SMARCA2: variants seen among roughly 807,000 people sequenced by gnomAD.
SMARCA2 encodes the protein SWI/SNF related BAF chromatin remodeling complex subunit ATPase 2, also known as SWI/SNF-related matrix-associated actin-dependent regulator of chromatin subfamily A member 2.
A neutral mutation model predicts 199.8 loss-of-function variants in SMARCA2; 61 were observed. That is an observed-to-expected ratio of 0.31 (90% CI 0.25 to 0.38). The LOEUF (loss-of-function observed/expected upper bound fraction) is 0.38. SMARCA2 is among the 10% of genes least tolerant of loss of function. The pLI is 1.00. For synonymous variants in SMARCA2, 935 were observed against 732.0 expected (o/e 1.28, Z -4.48); for missense variants, 1,344 against 2,012.2 (o/e 0.67, Z 6.35).
chr9:2,083,209 A>C (rs1821644718), intron 15 of SMARCA2, 138 bp from the exon 16 acceptor site: 2 of 484,388 alleles, frequency 4.1e-6, no homozygotes, highest in Non-Finnish European at 3.6e-6. Context: ...ACACCTTTAA[A>C]ATAAATATCT....
intron 5 of SMARCA2, among the ~76,000 whole-genome samples, chr9:2,053,510 C>A (rs778741028): frequency 2.0e-5 from 3 of 152,076 alleles, no homozygotes; most frequent in Non-Finnish European, 4.4e-5. Flanking sequence ...TTCAGTTTTC[C>A]TCATCAGCAA....
In SMARCA2 at chr9:2,056,532, A is replaced by C. The variant is rs1820361902; in HGVS notation, c.1174-140A>C. The C allele has an allele frequency of 6.0e-6, 4 of 665,852 alleles. No homozygotes were observed. The South Asian group carries it at 7.2e-5, about 12-fold the overall frequency. 41.2% of individuals were successfully genotyped at this position (665,852 alleles called of 1,614,324 possible). A position where few individuals can be genotyped will look rare whatever the true frequency, so the allele number is the denominator to read the frequency against. On this transcript the variant is annotated intron_variant, in intron 6 of 33. Transcript: ENST00000349721. This position sits in a 1 kb window ranked among gnomAD's most constrained non-coding sequence, Gnocchi z 4.0. ...TGGCATGATTTTAGTTCCTTCATTTAATACAAACCAAAGGTGATTGAGAAG... is the reference window on the plus strand; with the variant it reads ...TGGCATGATTTTAGTTCCTTCATTTCATACAAACCAAAGGTGATTGAGAAG...
chr9:2,193,401 A>C lies in SMARCA2; in HGVS notation c.*662A>C, dbSNP rs1358673582. ...AAAGTTTTGTTGAAAGCGCTATTGAATATTGCAATCTATATAGTGTATTGG... is the reference window on the plus strand; with the variant it reads ...AAAGTTTTGTTGAAAGCGCTATTGACTATTGCAATCTATATAGTGTATTGG... On this transcript the variant is annotated 3_prime_UTR_variant, in exon 34 of 34. Coordinates refer to ENST00000349721, the MANE Select transcript of SMARCA2 (RefSeq NM_003070.5). The C allele has an allele frequency of 6.5e-6, 1 of 152,674 alleles. No individual in the cohort carries two copies. The highest frequency in any genetic ancestry group is 1.5e-5 in the Non-Finnish European group (1 of 68,080). 9.5% of individuals were successfully genotyped at this position (152,674 alleles called of 1,614,324 possible).
intron 26 of SMARCA2, among the ~76,000 whole-genome samples, chr9:2,122,384 C>G (rs1823502125): frequency 6.6e-6 from 1 of 152,186 alleles, no homozygotes; most frequent in Non-Finnish European, 1.5e-5. Flanking sequence ...CACGAAGCCC[C>G]TCTTTAGAAC....
At chr9:2,078,593 G>A (rs1821426863) in intron 14 of SMARCA2, among the ~76,000 whole-genome samples, 1 of 152,134 alleles carries the variant, frequency 6.6e-6, no homozygotes, top group South Asian at 2.1e-4. Context: ...CTACCACTTA[G>A]TGACGTTTCC....
chr9:2,040,797 C>A (rs948571265), intron 4 of SMARCA2: 4 of 152,268 alleles, frequency 2.6e-5, no homozygotes, highest in Non-Finnish European at 4.4e-5. Context: ...TGATACAATC[C>A]TTTGCATGGC....
At position 2,022,663 on chromosome 9, in the gene SMARCA2, T is replaced by G. The variant is rs115694014; in HGVS notation, c.-36-6324T>G. 8.2e-3 allele frequency among the ~76,000 whole-genome samples: 1,252 copies of G among 152,364 alleles called. 32 individuals are homozygous for G. The highest frequency in any genetic ancestry group is 0.029 in the African/African-American group (1,202 of 41,586). On this transcript the variant is annotated intron_variant, in intron 1 of 33. Coordinates refer to ENST00000349721, the MANE Select transcript of SMARCA2 (RefSeq NM_003070.5). ...AAGTATGTATTTCAGACTCTTCTTT[T>G]TATATGTTTAAAGTATAAATAAACT...
intron 31 of SMARCA2, among the ~76,000 whole-genome samples, chr9:2,185,423 C>G (rs1269527468): frequency 6.6e-6 from 1 of 152,112 alleles, no homozygotes; most frequent in Non-Finnish European, 1.5e-5. Context: ...GTCGATGGAC[C>G]CTTGGGTTGC....
chr9:2,069,242 T>A (rs1820982073), intron 9 of SMARCA2, among the ~76,000 whole-genome samples: 1 of 151,162 alleles, frequency 6.6e-6, no homozygotes, highest in East Asian at 2.0e-4. Context: ...AACTTTTCAT[T>A]TAGGTTGTTT....
intron 9 of SMARCA2, among the ~76,000 whole-genome samples, chr9:2,067,273 C>T (rs999449408): frequency 1.3e-5 from 2 of 152,210 alleles, no homozygotes; most frequent in African/African-American, 4.8e-5. Flanking sequence ...AAGTGGAAAG[C>T]ATTGTTCTTT....
At chr9:2,077,533 C>A in intron 13 of SMARCA2, 96 bp from the exon 14 acceptor site, 1 of 1,165,118 alleles carries the variant, frequency 8.6e-7, no homozygotes, top group Non-Finnish European at 1.3e-6. Flanking sequence ...ACACTTATTG[C>A]AGCTATTTTA....
At chr9:2,079,655 T>C (rs1821480623) in intron 14 of SMARCA2, among the ~76,000 whole-genome samples, 1 of 152,252 alleles carries the variant, frequency 6.6e-6, no homozygotes, top group African/African-American at 2.4e-5. Flanking sequence ...GGACCACTGC[T>C]CTGGCCTTAG....
rs747246901 is a variant in SMARCA2 at position 2,096,899 on chromosome 9, T to G, written c.2991+135T>G. On this transcript the variant is annotated intron_variant, in intron 20 of 33. Coordinates refer to ENST00000349721, the MANE Select transcript of SMARCA2 (RefSeq NM_003070.5). ...AATCACTGGACCTCCTTTGAGCTAT[T>G]ATAGCTGCCAAAGATAATCTCTTCA... 4.5e-4 allele frequency: 293 copies of G among 655,738 alleles called. 1 individual carries two copies. The highest frequency in any genetic ancestry group is 1.4e-4 in the Admixed American group (6 of 42,328). 40.6% of individuals were successfully genotyped at this position (655,738 alleles called of 1,614,324 possible).
chr9:2,137,246 A>T (rs1563794058), intron 27 of SMARCA2, among the ~76,000 whole-genome samples: 1 of 152,232 alleles, frequency 6.6e-6, no homozygotes, highest in Non-Finnish European at 1.5e-5. Context: ...CCTTGTTCAC[A>T]ACAGTTCAGG....
rs1271612432 is a variant in SMARCA2 at position 2,115,803 on chromosome 9, A to G, written c.3457-19A>G. On this transcript the variant is annotated intron_variant, in intron 24 of 33. Transcript: ENST00000349721. The surrounding 1 kb of genome is among the most constrained non-coding windows in gnomAD (Gnocchi z 6.0). ...TGCCAGGCATCTCAGTCCTCATAGC[A>G]TATTGACCCCCCAAACAGGATCTGC... The G allele has an allele frequency of 1.9e-6, 3 of 1,609,404 alleles. No homozygotes were observed. The highest frequency in any genetic ancestry group is 1.7e-6 in the Non-Finnish European group (2 of 1,176,486).
chr9:2,167,092 CA>C (rs1176108233), intron 28 of SMARCA2, among the ~76,000 whole-genome samples: 1 of 152,182 alleles, frequency 6.6e-6, no homozygotes, highest in African/African-American at 2.4e-5. Flanking sequence ...GAAATTGGGA[CA>C]TTTGCTTATC....
intron 19 of SMARCA2, among the ~76,000 whole-genome samples, chr9:2,089,451 T>G (rs756841289): frequency 2.6e-5 from 4 of 152,146 alleles, no homozygotes; most frequent in African/African-American, 4.8e-5. Context: ...TGATTGTGGT[T>G]TTTCTGGGTA....
Position 2,077,777 on chromosome 9 carries a change from G to A in SMARCA2, c.2184+1G>A. The A allele has an allele frequency of 6.2e-7, 1 of 1,605,574 alleles. No individual in the cohort carries two copies. Among genetic ancestry groups the A allele is most frequent in the Non-Finnish European group, 8.5e-7 (1 of 1,175,698 alleles). ...TAATGGGACCCTAAAGCATTACCAG[G>A]TAATTGGCATGGTTTCAGTTTCCTT... On this transcript the variant is annotated splice_donor_variant, in intron 14 of 33. Transcript: ENST00000349721. LOFTEE classifies it high-confidence loss of function.
chr9:2,116,952 G>C (rs1001604677), intron 25 of SMARCA2, among the ~76,000 whole-genome samples: 5 of 152,084 alleles, frequency 3.3e-5, no homozygotes, highest in Non-Finnish European at 5.9e-5. Context: ...CCTTAAATAG[G>C]ATATGTGTTT....
Sources: gnomAD v4.1 joint callset for allele counts (sites outside exome capture counted in the v4.1 genomes callset) on GRCh38, gnomAD v4.1.1 for gene constraint, Gnocchi (gnomAD v3.1) non-coding constraint, MANE v1.5 for transcripts, NCBI Gene and HGNC (gene_info 2026-07-23, HGNC 2026-07-21) for gene names.